Variants in LHFPL3 observed in about 807,000 individuals in gnomAD.
The protein encoded by LHFPL3 is LHFPL tetraspan subfamily member 3, also known as LHFPL tetraspan subfamily member 3 protein.
In LHFPL3, 5 loss-of-function variants were observed where a neutral mutation model predicts 19.3. The observed-to-expected ratio is 0.26, with a 90% CI of 0.14 to 0.54. The LOEUF (loss-of-function observed/expected upper bound fraction) is 0.54. LHFPL3 is among the 20% of genes least tolerant of loss of function. The pLI is 0.94. For missense variants in LHFPL3, 249 were observed against 307.4 expected (o/e 0.81, Z 1.42); for synonymous variants, 133 against 126.2 (o/e 1.05, Z -0.36).
intron 1 of LHFPL3, among the ~76,000 whole-genome samples, chr7:104,483,187 G>A (rs745997148): frequency 6.6e-6 from 1 of 152,166 alleles, no homozygotes; most frequent in African/African-American, 2.4e-5. Context: ...CGATAAACAG[G>A]AACCAGTCAT....
At chr7:104,371,221 A>T (rs1790607480) in intron 1 of LHFPL3, among the ~76,000 whole-genome samples, 1 of 152,078 alleles carries the variant, frequency 6.6e-6, no homozygotes. Flanking sequence ...AAAGAAACCA[A>T]CCCAGCTGTT....
In LHFPL3 at chr7:104,666,512, C is replaced by CTTTTTTTTTTTTTTT. The variant is rs71155514; in HGVS notation, c.446-70150_446-70136dup. Among the ~76,000 whole-genome samples the CTTTTTTTTTTTTTTT allele has an allele frequency of 5.7e-4, 24 of 42,236 alleles. 6 individuals are homozygous for CTTTTTTTTTTTTTTT. Among genetic ancestry groups the CTTTTTTTTTTTTTTT allele is most frequent in the Non-Finnish European group, 7.7e-4 (17 of 22,202 alleles). 27.7% of individuals were successfully genotyped at this position (42,236 alleles called of 152,430 possible). A position where few individuals can be genotyped will look rare whatever the true frequency, so the allele number is the denominator to read the frequency against. ...TTGCTGAAAATGACAGGATTTCATT[C>CTTTTTTTTTTTTTTT]TTTTTTTTTTTTTTTTTTTTTTTTT... On this transcript the variant is annotated intron_variant, in intron 1 of 2. Transcript: ENST00000424859.
intron 1 of LHFPL3, among the ~76,000 whole-genome samples, chr7:104,632,903 C>A (rs1220008566): frequency 6.6e-6 from 1 of 152,210 alleles, no homozygotes; most frequent in Non-Finnish European, 1.5e-5. Flanking sequence ...AATCTGCCCA[C>A]CTTGGTCTCC....
At chr7:104,574,882 A>G (rs1171564206) in intron 1 of LHFPL3, among the ~76,000 whole-genome samples, 2 of 152,164 alleles carry the variant, frequency 1.3e-5, no homozygotes, top group Non-Finnish European at 2.9e-5. Context: ...TGACAATAAA[A>G]CACCAGATGG....
chr7:104,691,169 A>G (rs1584482523), intron 1 of LHFPL3, among the ~76,000 whole-genome samples: 1 of 152,216 alleles, frequency 6.6e-6, no homozygotes, highest in Non-Finnish European at 1.5e-5. Flanking sequence ...TTTCTCACCC[A>G]TCTAGCCATA....
intron 1 of LHFPL3, among the ~76,000 whole-genome samples, chr7:104,520,457 C>T (rs1204727423): frequency 8.8e-5 from 13 of 147,456 alleles, no homozygotes; most frequent in African/African-American, 3.3e-4. Flanking sequence ...TGATGCTGGC[C>T]TCGTAAAATG....
At chr7:104,619,841 A>T (rs889980182) in intron 1 of LHFPL3, among the ~76,000 whole-genome samples, 1 of 152,192 alleles carries the variant, frequency 6.6e-6, no homozygotes, top group South Asian at 2.1e-4. Context: ...TAAGACAATT[A>T]TTCCACAGAT....
At chr7:104,736,448 T>C (rs912739395) in intron 1 of LHFPL3, among the ~76,000 whole-genome samples, 1 of 152,092 alleles carries the variant, frequency 6.6e-6, no homozygotes, top group African/African-American at 2.4e-5. Flanking sequence ...TCTTTCAATG[T>C]AGAGTGCTGG....
At chr7:104,398,256 G>A (rs180713773) in intron 1 of LHFPL3, among the ~76,000 whole-genome samples, 2 of 152,276 alleles carry the variant, frequency 1.3e-5, no homozygotes, top group African/African-American at 2.4e-5. Flanking sequence ...AGATCCCAGG[G>A]TAAGCAACCC....
intron 1 of LHFPL3, among the ~76,000 whole-genome samples, chr7:104,674,899 T>C (rs1417418903): frequency 6.6e-6 from 1 of 152,172 alleles, no homozygotes; most frequent in African/African-American, 2.4e-5. Flanking sequence ...GCAAAAGATA[T>C]AGAAGATCTG....
rs79126121 is a variant in LHFPL3 at position 104,506,522 on chromosome 7, T to C, written c.445+177298T>C. Among the ~76,000 whole-genome samples the C allele has an allele frequency of 7.9e-3, 1,199 of 152,362 alleles. 12 individuals are homozygous for C. The highest frequency in any genetic ancestry group is 0.027 in the African/African-American group (1,125 of 41,590). ...CCTGAGGCTGTGTTATACTCTCACC[T>C]TTGTATACCCAGCACCTACTGTGGT... On this transcript the variant is annotated intron_variant, in intron 1 of 2. Coordinates refer to ENST00000424859, the MANE Select transcript of LHFPL3 (RefSeq NM_199000.3).
At chr7:104,626,055 C>T (rs910546986) in intron 1 of LHFPL3, among the ~76,000 whole-genome samples, 1 of 152,202 alleles carries the variant, frequency 6.6e-6, no homozygotes, top group Non-Finnish European at 1.5e-5. Flanking sequence ...ACACAAAGTA[C>T]TGTAGCCATT....
intron 1 of LHFPL3, among the ~76,000 whole-genome samples, chr7:104,582,849 CT>C (rs1360584237): frequency 6.6e-6 from 1 of 151,060 alleles, no homozygotes; most frequent in Non-Finnish European, 1.5e-5. Context: ...TAATGTTTTG[CT>C]AAGGATTTTT....
chr7:104,464,993 A>G (rs1386855452), intron 1 of LHFPL3, among the ~76,000 whole-genome samples: 1 of 152,114 alleles, frequency 6.6e-6, no homozygotes, highest in East Asian at 1.9e-4. Flanking sequence ...GCTTCCTCTT[A>G]AATGCTTTGC....
At chr7:104,677,618 A>C (rs1792616373) in intron 1 of LHFPL3, among the ~76,000 whole-genome samples, 1 of 152,224 alleles carries the variant, frequency 6.6e-6, no homozygotes, top group African/African-American at 2.4e-5. Flanking sequence ...TTTTCCACAA[A>C]GGTAACACAG....
At chr7:104,904,930 C>A (rs924529354) in intron 2 of LHFPL3, among the ~76,000 whole-genome samples, 1 of 152,120 alleles carries the variant, frequency 6.6e-6, no homozygotes, top group Admixed American at 6.5e-5. Context: ...AAGTAATTAT[C>A]CCCTGAGAAT....
chr7:104,859,453 G>C (rs992088431), intron 2 of LHFPL3, among the ~76,000 whole-genome samples: 1 of 152,016 alleles, frequency 6.6e-6, no homozygotes, highest in Non-Finnish European at 1.5e-5. Flanking sequence ...CGGATCACTT[G>C]AGGTCAGGAG....
intron 1 of LHFPL3, among the ~76,000 whole-genome samples, chr7:104,459,170 T>A (rs1245655974): frequency 6.6e-6 from 1 of 152,256 alleles, no homozygotes; most frequent in African/African-American, 2.4e-5. Context: ...CTTAAGTAAC[T>A]TCTACCACCT....
chr7:104,579,142 G>A (rs911817852), intron 1 of LHFPL3, among the ~76,000 whole-genome samples: 1 of 152,130 alleles, frequency 6.6e-6, no homozygotes, highest in African/African-American at 2.4e-5. Context: ...TATACTATTG[G>A]AAGGCAATAT....
Sources: gnomAD v4.1 joint callset for allele counts (sites outside exome capture counted in the v4.1 genomes callset) on GRCh38, gnomAD v4.1.1 for gene constraint, MANE v1.5 for transcripts, NCBI Gene and HGNC (gene_info 2026-07-23, HGNC 2026-07-21) for gene names.